Variants in SGCD observed in about 807,000 individuals in gnomAD.
SGCD encodes delta-sarcoglycan.
A neutral mutation model predicts 36.6 loss-of-function variants in SGCD; 18 were observed. That is an observed-to-expected ratio of 0.49 (90% CI 0.34 to 0.73). The LOEUF (loss-of-function observed/expected upper bound fraction) is 0.73, where lower values mean the gene tolerates loss of function less well. SGCD is among the 30% of genes least tolerant of loss of function. The probability of loss-of-function intolerance (pLI) is 0.01; values close to 1 mark genes in which losing one functional copy is unlikely to be tolerated. For synonymous variants in SGCD, 133 were observed against 130.6 expected (o/e 1.02, Z -0.12); for missense variants, 387 against 346.7 (o/e 1.12, Z -0.92).
chr5:156,125,271 G>A (rs1183564344), intron 3 of SGCD, among the ~76,000 whole-genome samples: 7 of 152,262 alleles, frequency 4.6e-5, no homozygotes, highest in East Asian at 3.9e-4. Context: ...TTCTGGCACC[G>A]TAAGTCATAT....
At chr5:156,410,714 G>A (rs368584555) in intron 3 of SGCD, among the ~76,000 whole-genome samples, 2 of 152,106 alleles carry the variant, frequency 1.3e-5, no homozygotes, top group African/African-American at 4.8e-5. Context: ...GGACAGTCAA[G>A]CTCCCCCATG....
At chr5:156,166,894 G>A (rs550409670) in intron 3 of SGCD, among the ~76,000 whole-genome samples, 3 of 152,220 alleles carry the variant, frequency 2.0e-5, no homozygotes, top group East Asian at 3.9e-4. Context: ...TCAAACCTGC[G>A]GGGCGAAGAC....
chr5:155,750,417 T>C, the SGCD span, among the ~76,000 whole-genome samples: 1 of 152,204 alleles, frequency 6.6e-6, no homozygotes, highest in Non-Finnish European at 1.5e-5. Flanking sequence ...GCATATTCCG[T>C]ATATAATTTT....
intron 4 of SGCD, among the ~76,000 whole-genome samples, chr5:156,558,201 G>A (rs1189144149): frequency 1.3e-5 from 2 of 149,388 alleles, no homozygotes; most frequent in Admixed American, 6.7e-5. Flanking sequence ...TACAATGAAA[G>A]CCCATTCCAC....
intron 1 of SGCD, among the ~76,000 whole-genome samples, chr5:156,003,392 T>C (rs1312247032): frequency 3.3e-5 from 5 of 152,196 alleles, no homozygotes; most frequent in African/African-American, 1.2e-4. Context: ...TGAACAATGG[T>C]TTAGAGGTCA....
intron 3 of SGCD, among the ~76,000 whole-genome samples, chr5:156,247,701 A>G (rs1250456813): frequency 1.3e-5 from 2 of 152,214 alleles, no homozygotes; most frequent in African/African-American, 4.8e-5. Context: ...ATACAAATAC[A>G]CAACGGAGGT....
chr5:156,178,492 C>T (rs1008727603), intron 3 of SGCD, among the ~76,000 whole-genome samples: 1 of 152,220 alleles, frequency 6.6e-6, no homozygotes, highest in East Asian at 1.9e-4. Context: ...AGTCTTTATA[C>T]ATATGCATCT....
At chr5:156,370,824 G>A (rs7722282) in intron 3 of SGCD, among the ~76,000 whole-genome samples, 21,281 of 152,048 alleles carry the variant, frequency 0.14, 2,005 homozygotes, top group African/African-American at 0.27. Context: ...ACAGAACATC[G>A]GTGAGTAAGT....
At chr5:156,472,805 A>G (rs1755029525) in intron 3 of SGCD, among the ~76,000 whole-genome samples, 1 of 152,202 alleles carries the variant, frequency 6.6e-6, no homozygotes. Context: ...GATTCAATTT[A>G]TATGAATTTC....
intron 6 of SGCD, among the ~76,000 whole-genome samples, 187 bp downstream of exon 6, chr5:156,595,238 G>T (rs1760881373): frequency 6.6e-6 from 1 of 152,086 alleles, no homozygotes; most frequent in Admixed American, 6.5e-5. Context: ...GAGCCCTCAT[G>T]AATGGGATTA....
intron 1 of SGCD, among the ~76,000 whole-genome samples, chr5:156,094,378 G>A (rs529997553): frequency 2.1e-4 from 32 of 152,222 alleles, no homozygotes; most frequent in South Asian, 1.9e-3. Flanking sequence ...AAGAATTTTC[G>A]TTCGGTCTTT....
intron 1 of SGCD, among the ~76,000 whole-genome samples, chr5:156,328,863 T>A (rs1440144837): frequency 6.6e-6 from 1 of 152,000 alleles, no homozygotes; most frequent in African/African-American, 2.4e-5. Flanking sequence ...CTAAAGTGCC[T>A]AATGAGTGAG....
At chr5:156,156,464 A>G (rs866992423) in intron 3 of SGCD, among the ~76,000 whole-genome samples, 12 of 151,652 alleles carry the variant, frequency 7.9e-5, no homozygotes, top group African/African-American at 2.0e-4. Context: ...CCCTGTTTCT[A>G]TTAAAAATAT....
At chr5:156,673,558 T>A (rs1417562173) in intron 7 of SGCD, among the ~76,000 whole-genome samples, 3 of 152,200 alleles carry the variant, frequency 2.0e-5, no homozygotes, top group African/African-American at 7.2e-5. Context: ...TTCACAAATA[T>A]AACCTGACTC....
At chr5:155,871,701 T>G (rs1416445540) in intron 1 of SGCD, among the ~76,000 whole-genome samples, 1 of 152,034 alleles carries the variant, frequency 6.6e-6, no homozygotes, top group Non-Finnish European at 1.5e-5. Context: ...GTGAGGGAAT[T>G]GAGCATTGGG....
intron 3 of SGCD, among the ~76,000 whole-genome samples, chr5:156,461,133 T>C (rs1170388195): frequency 1.3e-5 from 2 of 152,308 alleles, no homozygotes; most frequent in Admixed American, 1.3e-4. Context: ...TCTGTGCCTA[T>C]GTCCAGACTT....
chr5:156,092,562 G>T (rs1761270487), intron 1 of SGCD, among the ~76,000 whole-genome samples: 1 of 152,196 alleles, frequency 6.6e-6, no homozygotes, highest in Non-Finnish European at 1.5e-5. Flanking sequence ...AACAATATTA[G>T]AAGGTTGTTT....
intron 7 of SGCD, among the ~76,000 whole-genome samples, chr5:156,709,511 G>A (rs1423785850): frequency 6.6e-6 from 1 of 152,122 alleles, no homozygotes; most frequent in Non-Finnish European, 1.5e-5. Context: ...CAGGAAAAAA[G>A]GGTTTGTGCT....
At chr5:156,317,252 A>G (rs1020528263) in intron 3 of SGCD, among the ~76,000 whole-genome samples, 1 of 152,118 alleles carries the variant, frequency 6.6e-6, no homozygotes, top group Admixed American at 6.5e-5. Flanking sequence ...CACTCGATGC[A>G]TGTTAGGTAT....
Sources: gnomAD v4.1 joint callset for allele counts (sites outside exome capture counted in the v4.1 genomes callset) on GRCh38, gnomAD v4.1.1 for gene constraint, MANE v1.5 for transcripts, NCBI Gene and HGNC (gene_info 2026-07-23, HGNC 2026-07-21) for gene names.